The following TMEM191C variants were observed in gnomAD, a reference collection of about 807,000 sequenced individuals.
TMEM191C encodes the protein KB-1323B2.6.
Under a neutral mutation model 37.1 loss-of-function variants are expected in TMEM191C, and 26 were observed. That is an observed-to-expected ratio of 0.70 (90% confidence interval 0.51 to 0.97). The LOEUF (loss-of-function observed/expected upper bound fraction) is 0.97, where lower values mean the gene tolerates loss of function less well. Among genes scored for constraint, TMEM191C ranks in the 50% least tolerant of loss-of-function variants. The pLI is 0.00. For missense variants in TMEM191C, 240 were observed against 294.7 expected (o/e 0.81, Z 1.36); for synonymous variants, 115 against 143.7 (o/e 0.80, Z 1.43).
Position 21,469,737 on chromosome 22 carries a change from C to T in TMEM191C, c.825C>T (p.Leu275=). 2 of 1,529,366 alleles carry T rather than the reference C, an allele frequency of 1.3e-6. No homozygotes were observed. The highest frequency in any genetic ancestry group is 1.2e-5 in the South Asian group (1 of 83,776). The allele number at this position is 1,529,366 out of a possible 1,614,324, so 94.7% of individuals were successfully genotyped here. ...CCGTCTCCGCGTGGCTCTGGAGCCT[C>T]ACCTCGGAGACGACGCTGCGCCGCC... The part of the protein sequence containing the change: ...PGAVSAWLWS[L]TSETTLRRLR... The change falls in exon 10 of 10, where the codon CTC becomes CTT. Residue 275 remains leucine, a synonymous_variant. Transcript: ENST00000536718.
intron 9 of TMEM191C, 30 bp downstream of exon 9, chr22:21,469,564 C>T (rs1276057301): frequency 7.0e-7 from 1 of 1,432,922 alleles, no homozygotes; most frequent in Admixed American, 3.2e-5. Flanking sequence ...CGGCCGCGGT[C>T]CCCCAGGTGC....
At position 21,469,535 on chromosome 22, in the gene TMEM191C, G is replaced by C; in HGVS notation, c.704+1G>C. ...GCGGCCCTCGCGCGCTGGCCATCAG[G>C]TGAGCCGGGCGGTGGGCGCGGCCGC... On this transcript the variant is annotated splice_donor_variant, in intron 9 of 9. Coordinates refer to ENST00000536718, the MANE Select transcript of TMEM191C (RefSeq NM_001388354.1). LOFTEE classifies it high-confidence loss of function. 1 of 1,375,202 alleles carries C rather than the reference G, an allele frequency of 7.3e-7. No individual in the cohort carries two copies. Among genetic ancestry groups the C allele is most frequent in the Non-Finnish European group, 9.3e-7 (1 of 1,074,952 alleles). 85.2% of individuals were successfully genotyped at this position (1,375,202 alleles called of 1,614,324 possible). A position where few individuals can be genotyped will look rare whatever the true frequency, so the allele number is the denominator to read the frequency against.
At position 21,467,971 on chromosome 22, in the gene TMEM191C, G is replaced by C; in HGVS notation, c.233G>C (p.Arg78Pro). 3.7e-6 allele frequency: 2 copies of C among 546,368 alleles called. No individual in the cohort carries two copies. Among genetic ancestry groups the C allele is most frequent in the South Asian group, 1.8e-5 (1 of 55,428 alleles). 33.8% of individuals were successfully genotyped at this position (546,368 alleles called of 1,614,324 possible). A position where few individuals can be genotyped will look rare whatever the true frequency, so the allele number is the denominator to read the frequency against. Residue 78 changes from arginine (R) to proline (P), a missense_variant, in exon 2 of 10, where the codon CGG becomes CCG. By Grantham distance (103) the Arg-to-Pro change is moderately radical (BLOSUM62 -2). Coordinates refer to ENST00000536718, the MANE Select transcript of TMEM191C (RefSeq NM_001388354.1). ...AREAARERAE[R>P]VRRRLEEAER... ...GAGGCGGCGCGGGAGCGCGCGGAGC[G>C]GGTGCGCAGAAGACTGGAGGAGGCG...
intron 1 of TMEM191C, 81 bp from the exon 2 acceptor site, chr22:21,467,813 G>C: frequency 2.0e-6 from 1 of 499,240 alleles, no homozygotes; most frequent in East Asian, 3.0e-5. Context: ...TCATGAGCCT[G>C]CGGCTGGTCC....
At chr22:21,468,101 T>C in intron 2 of TMEM191C, 51 bp from the exon 3 acceptor site, 2 of 1,376,774 alleles carry the variant, frequency 1.5e-6, no homozygotes, top group Non-Finnish European at 1.9e-6. Flanking sequence ...GGGGGTGGGG[T>C]GAGGTAGGAC....
Position 21,469,523 on chromosome 22 carries a change from G to C in TMEM191C, c.693G>C (p.Ala231=), listed in dbSNP as rs1164505557. The change falls in exon 9 of 10, where the codon GCG becomes GCC. Residue 231 remains alanine (A), a synonymous_variant. Coordinates refer to ENST00000536718, the MANE Select transcript of TMEM191C (RefSeq NM_001388354.1). ...CGCGGCTGTTCGGCGGCCCTCGCGC[G>C]CTGGCCATCAGGTGAGCCGGGCGGT... The part of the protein sequence containing the change: ...RETRLFGGPR[A]LAIRRCVLGA... 27 of 1,357,506 alleles carry C rather than the reference G, an allele frequency of 2.0e-5. No individual in the cohort carries two copies. Among genetic ancestry groups the C allele is most frequent in the South Asian group, 1.1e-4 (6 of 56,758 alleles). The allele number at this position is 1,357,506 out of a possible 1,614,324, so 84.1% of individuals were successfully genotyped here. A position where few individuals can be genotyped will look rare whatever the true frequency, so the allele number is the denominator to read the frequency against.
At position 21,469,850 on chromosome 22, in the gene TMEM191C, G is replaced by A; in HGVS notation, c.*29G>A. On this transcript the variant is annotated 3_prime_UTR_variant, in exon 10 of 10. Transcript: ENST00000536718. ...CAGCGCCCCGCGCCTGGCTCCAGGT[G>A]GACTCCAGGGCACCTGGCTTTATTT... 6.5e-7 allele frequency: 1 copy of A among 1,528,026 alleles called. No homozygotes were observed. The highest frequency in any genetic ancestry group is 2.5e-5 in the East Asian group (1 of 40,346). The allele number at this position is 1,528,026 out of a possible 1,614,324, so 94.7% of individuals were successfully genotyped here.
chr22:21,469,796 G>C lies in TMEM191C; in HGVS notation c.884G>C (p.Arg295Pro). 1.3e-6 allele frequency: 2 copies of C among 1,532,374 alleles called. No homozygotes were observed. Among genetic ancestry groups the C allele is most frequent in the Non-Finnish European group, 1.7e-6 (2 of 1,146,302 alleles). The allele number at this position is 1,532,374 out of a possible 1,614,324, so 94.9% of individuals were successfully genotyped here. Residue 295 changes from arginine to proline, a missense_variant, in exon 10 of 10, where the codon CGC (arginine) becomes CCC (proline). Arg to Pro is a moderately radical substitution (Grantham distance 103). Around this residue, in one of 3 missense-constraint regions of TMEM191C, gnomAD observed 76 missense variants for 100.0 expected, o/e 0.76. Coordinates refer to ENST00000536718, the MANE Select transcript of TMEM191C (RefSeq NM_001388354.1). ...RYTLSPLLELRANGLLPT is the reference protein window; with the variant it reads ...RYTLSPLLELPANGLLPT ...ACGCTGTCCCCGCTGCTGGAGCTGC[G>C]CGCTAACGGGCTTCTGCCAACCTAA... is the stretch of plus-strand genomic sequence containing the variant.
At chr22:21,468,554 G>A in intron 4 of TMEM191C, 123 bp downstream of exon 4, 1 of 747,042 alleles carries the variant, frequency 1.3e-6, no homozygotes, top group Non-Finnish European at 2.0e-6. Flanking sequence ...GGGAATGTGG[G>A]CGGAGCACAA....
At chr22:21,469,376 G>A (rs1924655438) in intron 8 of TMEM191C, 30 bp downstream of exon 8, 5 of 1,286,832 alleles carry the variant, frequency 3.9e-6, no homozygotes, top group African/African-American at 3.7e-5. Flanking sequence ...CGGGCGGGGT[G>A]GGCTGGAGCG....
intron 1 of TMEM191C, 40 bp downstream of exon 1, chr22:21,467,654 G>C: frequency 6.7e-7 from 1 of 1,487,168 alleles, no homozygotes; most frequent in Non-Finnish European, 8.9e-7. Context: ...GGCGCGCGAG[G>C]GTCGGTCCCG....
chr22:21,469,505 G>A lies in TMEM191C; in HGVS notation c.675G>A (p.Leu225=). The change falls in exon 9 of 10, where the codon CTG becomes CTA. Residue 225 remains leucine (L), a synonymous_variant. Coordinates refer to ENST00000536718, the MANE Select transcript of TMEM191C (RefSeq NM_001388354.1). ...CTCTCTCCCCGCAGGAGACGCGGCT[G>A]TTCGGCGGCCCTCGCGCGCTGGCCA... is the stretch of plus-strand genomic sequence containing the variant. ...EMARADRETR[L]FGGPRALAIR... The A allele has an allele frequency of 7.4e-7, 1 of 1,354,326 alleles. No individual in the cohort carries two copies. The highest frequency in any genetic ancestry group is 1.8e-5 in the South Asian group (1 of 56,482). 83.9% of individuals were successfully genotyped at this position (1,354,326 alleles called of 1,614,324 possible).
chr22:21,469,440 C>T (rs1397809591), intron 8 of TMEM191C, 54 bp from the exon 9 acceptor site: 5 of 1,332,596 alleles, frequency 3.8e-6, no homozygotes, highest in Non-Finnish European at 4.8e-6. Flanking sequence ...TCCTGGAAAC[C>T]GGGCCGGCGC....
At position 21,469,670 on chromosome 22, in the gene TMEM191C, T is replaced by G; in HGVS notation, c.758T>G (p.Leu253Arg). The G allele has an allele frequency of 2.0e-6, 3 of 1,507,630 alleles. No homozygotes were observed. The highest frequency in any genetic ancestry group is 2.6e-6 in the Non-Finnish European group (3 of 1,135,336). The allele number at this position is 1,507,630 out of a possible 1,614,324, so 93.4% of individuals were successfully genotyped here. Residue 253 changes from leucine to arginine, a missense_variant, in exon 10 of 10, where the codon CTG (leucine) becomes CGG (arginine). Physicochemically the swap from Leu to Arg is moderately radical, Grantham distance 102 (BLOSUM62 -2). This residue lies in a region of TMEM191C where 76 missense variants were observed against 100.0 expected (regional missense o/e 0.76). Coordinates refer to ENST00000536718, the MANE Select transcript of TMEM191C (RefSeq NM_001388354.1). ...QVLLTLPLLF[L>R]GLSLLWTVLL... ...CTGCTGACGCTGCCGCTCCTCTTCC[T>G]GGGGCTGTCGCTGCTCTGGACGGTG...
At chr22:21,467,651 G>C in intron 1 of TMEM191C, 37 bp downstream of exon 1, 1 of 1,495,990 alleles carries the variant, frequency 6.7e-7, no homozygotes. Context: ...GCGGGCGCGC[G>C]AGGGTCGGTC....
intron 1 of TMEM191C, 42 bp from the exon 2 acceptor site, chr22:21,467,852 C>T (rs1264565307): frequency 1.9e-6 from 1 of 537,172 alleles, no homozygotes; most frequent in Admixed American, 3.7e-5. Context: ...TCCTGAGCGA[C>T]CCAGTCCGCC....
chr22:21,467,856 G>C, intron 1 of TMEM191C, 38 bp from the exon 2 acceptor site: 1 of 541,810 alleles, frequency 1.8e-6, no homozygotes, highest in African/African-American at 2.9e-5. Flanking sequence ...GAGCGACCCA[G>C]TCCGCCTTGT....
At position 21,469,488 on chromosome 22, in the gene TMEM191C, C is replaced by T. The variant is rs1924661708; in HGVS notation, c.664-6C>T. 14 of 1,352,266 alleles carry T rather than the reference C, an allele frequency of 1.0e-5. No homozygotes were observed. The highest frequency in any genetic ancestry group is 5.5e-4 in the Middle Eastern group (2 of 3,620). The allele number at this position is 1,352,266 out of a possible 1,614,324, so 83.8% of individuals were successfully genotyped here. On this transcript the variant is annotated splice_polypyrimidine_tract_variant and splice_region_variant and intron_variant, in intron 8 of 9. Coordinates refer to ENST00000536718, the MANE Select transcript of TMEM191C (RefSeq NM_001388354.1). ...GGTAGCTGGATGCGGCCCTCTCTCC[C>T]CGCAGGAGACGCGGCTGTTCGGCGG...
At position 21,468,425 on chromosome 22, in the gene TMEM191C, G is replaced by A. The variant is rs1446522298; in HGVS notation, c.402G>A (p.Thr134=). Reference sequence around the variant, plus strand: ...AGCAACTCGCAGCCCAATTGGTGACGCTGCAGGTGCTTGAGCGGGACCCTG... The same window carrying A: ...AGCAACTCGCAGCCCAATTGGTGACACTGCAGGTGCTTGAGCGGGACCCTG... The part of the protein sequence containing the change: ...TEQQLAAQLV[T]LQNELELAET... Residue 134 remains threonine (T), a synonymous_variant, in exon 4 of 10, where the codon ACG becomes ACA. Coordinates refer to ENST00000536718, the MANE Select transcript of TMEM191C (RefSeq NM_001388354.1). 6.5e-7 allele frequency: 1 copy of A among 1,527,894 alleles called. No individual in the cohort carries two copies. Among genetic ancestry groups the A allele is most frequent in the African/African-American group, 1.4e-5 (1 of 71,784 alleles). The allele number at this position is 1,527,894 out of a possible 1,614,324, so 94.6% of individuals were successfully genotyped here. A position where few individuals can be genotyped will look rare whatever the true frequency, so the allele number is the denominator to read the frequency against.
Sources: allele counts gnomAD v4.1 joint callset, GRCh38; gene constraint gnomAD v4.1.1; regional missense constraint gnomAD v4.1.1; transcripts MANE v1.5; gene names NCBI Gene and HGNC (gene_info 2026-07-23, HGNC 2026-07-21).